ST7: variants seen among roughly 807,000 people sequenced by gnomAD.
ST7 encodes the protein suppression of tumorigenicity 7, also known as suppressor of tumorigenicity 7 protein.
In ST7, 28 loss-of-function variants were observed where a neutral mutation model predicts 78.7. The ratio of observed to expected loss-of-function variants is 0.36; its 90% confidence interval spans 0.26 to 0.49. The LOEUF is 0.49. Ranked by LOEUF, ST7 falls within the 20% of genes least tolerant of loss-of-function variation. The pLI, the probability that ST7 is intolerant of heterozygous loss-of-function variation, is 0.99. For synonymous variants in ST7, 247 were observed against 249.6 expected, an observed-to-expected ratio of 0.99 and a Z score of 0.10; for missense variants, 418 against 696.0, an observed-to-expected ratio of 0.60 and a Z score of 4.49.
At chr7:117,017,810 A>G (rs1238047169) in intron 1 of ST7, among the ~76,000 whole-genome samples, 3 of 152,222 alleles carry the variant, frequency 2.0e-5, no homozygotes, top group South Asian at 2.1e-4. Context: ...GTCTTCAACA[A>G]TGTGGATCCA....
chr7:117,009,739 C>T (rs1006659123), intron 1 of ST7, among the ~76,000 whole-genome samples: 1 of 151,946 alleles, frequency 6.6e-6, no homozygotes, highest in South Asian at 2.1e-4. Flanking sequence ...TTTTTATAGT[C>T]ATCTTCTGAT....
At chr7:117,218,246 A>G (rs1162931931) in intron 13 of ST7, among the ~76,000 whole-genome samples, 3 of 152,206 alleles carry the variant, frequency 2.0e-5, no homozygotes, top group Non-Finnish European at 4.4e-5. Flanking sequence ...TATATTTTAT[A>G]TCTACAGCAG....
chr7:117,216,942 T>C (rs1308936842), intron 13 of ST7, among the ~76,000 whole-genome samples: 1 of 151,662 alleles, frequency 6.6e-6, no homozygotes, highest in Admixed American at 6.6e-5. Flanking sequence ...CTCTAACCTC[T>C]CCAAAAAAGA....
chr7:117,113,927 C>T (rs1341720788), intron 2 of ST7, among the ~76,000 whole-genome samples: 1 of 152,102 alleles, frequency 6.6e-6, no homozygotes, highest in Non-Finnish European at 1.5e-5. Context: ...CCTTTTAGGC[C>T]ATAGTAGTTA....
chr7:117,225,191 G>A (rs1429850472), intron 15 of ST7, among the ~76,000 whole-genome samples: 1 of 152,210 alleles, frequency 6.6e-6, no homozygotes, highest in Non-Finnish European at 1.5e-5. Flanking sequence ...GTATCGGAGA[G>A]GGGTGTTCAT....
chr7:117,064,211 T>C (rs1330747132), intron 1 of ST7, among the ~76,000 whole-genome samples: 2 of 152,210 alleles, frequency 1.3e-5, no homozygotes, highest in Non-Finnish European at 2.9e-5. Context: ...TATATTATCC[T>C]ACTTAACATA....
intron 1 of ST7, among the ~76,000 whole-genome samples, chr7:116,986,132 G>A (rs574071323): frequency 6.6e-5 from 10 of 152,330 alleles, no homozygotes; most frequent in South Asian, 2.1e-4. Flanking sequence ...CACGCCCAGC[G>A]TGATAATTTT....
chr7:117,162,502 G>A (rs530531825), intron 9 of ST7, among the ~76,000 whole-genome samples: 24 of 148,442 alleles, frequency 1.6e-4, no homozygotes, highest in African/African-American at 5.2e-4. Context: ...ATCCGCACAC[G>A]GGGGATATTT....
chr7:117,131,679 A>G (rs962987603), intron 5 of ST7, among the ~76,000 whole-genome samples: 5 of 152,050 alleles, frequency 3.3e-5, no homozygotes, highest in African/African-American at 7.2e-5. Context: ...TGTGAGCACA[A>G]AAAAGGTTTG....
chr7:117,051,756 T>G (rs1797801571), intron 1 of ST7, among the ~76,000 whole-genome samples: 1 of 152,262 alleles, frequency 6.6e-6, no homozygotes, highest in Non-Finnish European at 1.5e-5. Flanking sequence ...ATGGTAGAAC[T>G]GATGGAGCTT....
rs762361107 is a variant in ST7 at position 117,136,127 on chromosome 7, A to G, written c.757A>G (p.Ile253Val). The change falls in exon 8 of 16, where the codon ATT (isoleucine) becomes GTT (valine). Residue 253 changes from isoleucine (I) to valine (V), a missense_variant. By Grantham distance (29) the Ile-to-Val change is conservative. This residue lies in a region of ST7 where 288 missense variants were observed against 537.1 expected (regional missense o/e 0.54). Transcript: ENST00000323984. ...CTTGGCTGAAGAGGAAGCAACAACCATTGCTGAAGCAGAAAAATTATTTAA... is the reference window on the plus strand; with the variant it reads ...CTTGGCTGAAGAGGAAGCAACAACCGTTGCTGAAGCAGAAAAATTATTTAA... Reference protein sequence around the residue: ...ILLAEEEATTIAEAEKLFKQA... With the variant: ...ILLAEEEATTVAEAEKLFKQA... 1 of 1,613,518 alleles carries G rather than the reference A, an allele frequency of 6.2e-7. No individual in the cohort carries two copies. The highest frequency in any genetic ancestry group is 1.7e-5 in the Admixed American group (1 of 59,976).
At chr7:117,111,335 G>A (rs1802414045) in intron 2 of ST7, among the ~76,000 whole-genome samples, 1 of 152,168 alleles carries the variant, frequency 6.6e-6, no homozygotes, top group African/African-American at 2.4e-5. Flanking sequence ...GACATTTAAA[G>A]TACACGGCTG....
chr7:117,217,044 A>G (rs964483389), intron 13 of ST7, among the ~76,000 whole-genome samples: 3 of 152,236 alleles, frequency 2.0e-5, no homozygotes, highest in Non-Finnish European at 4.4e-5. Context: ...GTAGCATTTG[A>G]CTGAAAAGAC....
intron 1 of ST7, among the ~76,000 whole-genome samples, chr7:117,075,470 T>C (rs1038764749): frequency 2.6e-5 from 4 of 152,176 alleles, no homozygotes; most frequent in African/African-American, 9.7e-5. Context: ...TTGGACTAAT[T>C]GGAAGACTGA....
intron 1 of ST7, among the ~76,000 whole-genome samples, chr7:117,097,848 GACA>G (rs1563078626): frequency 2.2e-5 from 2 of 92,630 alleles, no homozygotes; most frequent in Non-Finnish European, 4.2e-5. Flanking sequence ...ATATATGTAT[GACA>G]TATCACTATA....
chr7:117,082,757 A>G (rs1033478794), intron 1 of ST7, among the ~76,000 whole-genome samples: 13 of 152,204 alleles, frequency 8.5e-5, no homozygotes, highest in African/African-American at 3.1e-4. Context: ...TGCAGGCTGT[A>G]CAGTTTGTTA....
intron 9 of ST7, among the ~76,000 whole-genome samples, chr7:117,163,424 C>T (rs1312914349): frequency 6.6e-6 from 1 of 152,128 alleles, no homozygotes; most frequent in African/African-American, 2.4e-5. Context: ...CTTTTTTCTG[C>T]ATTCTCGCCA....
chr7:117,225,881 CCTAAT>C (rs1793409711), intron 15 of ST7, among the ~76,000 whole-genome samples: 1 of 152,172 alleles, frequency 6.6e-6, no homozygotes, highest in Non-Finnish European at 1.5e-5. Flanking sequence ...GGCATTTCCC[CCTAAT>C]CTAATCTACC....
intron 9 of ST7, among the ~76,000 whole-genome samples, chr7:117,152,177 CTATATATA>C (rs58892731): frequency 0.011 from 753 of 66,708 alleles, no homozygotes; most frequent in African/African-American, 0.013. Context: ...TATATAAAAA[CTATATATA>C]TATATATATA....
Sources: allele counts gnomAD v4.1 joint callset (sites outside exome capture counted in the v4.1 genomes callset), GRCh38; gene constraint gnomAD v4.1.1; regional missense constraint gnomAD v4.1.1; transcripts MANE v1.5; gene names NCBI Gene and HGNC (gene_info 2026-07-23, HGNC 2026-07-21).